DPP10: variants seen among roughly 807,000 people sequenced by gnomAD.
DPP10 encodes dipeptidyl peptidase like 10, also known as inactive dipeptidyl peptidase 10.
DPP10 carries 33 observed loss-of-function variants against 120.9 expected under a neutral mutation model. The observed-to-expected ratio is 0.27, with a 90% CI of 0.21 to 0.37. The LOEUF (loss-of-function observed/expected upper bound fraction) is 0.37. Among genes scored for constraint, DPP10 ranks in the 10% least tolerant of loss-of-function variants. DPP10 has a pLI of 1.00. For missense variants in DPP10, 816 were observed against 942.8 expected (o/e 0.87, Z 1.76); for synonymous variants, 337 against 326.1 (o/e 1.03, Z -0.36).
At chr2:114,918,936 C>T (rs1021183228) in intron 1 of DPP10, among the ~76,000 whole-genome samples, 7 of 149,702 alleles carry the variant, frequency 4.7e-5, no homozygotes, top group African/African-American at 1.2e-4. Flanking sequence ...CACGTACCCC[C>T]GAACCTAAAA....
intron 1 of DPP10, among the ~76,000 whole-genome samples, chr2:115,119,759 T>G (rs747367061): frequency 1.3e-5 from 2 of 152,098 alleles, no homozygotes; most frequent in Admixed American, 6.5e-5. Flanking sequence ...GAGGACAGTA[T>G]CCCTCATTGA....
intron 1 of DPP10, among the ~76,000 whole-genome samples, chr2:115,100,459 A>AAC (rs142076600): frequency 0.24 from 36,473 of 150,226 alleles, 4,956 homozygotes; most frequent in African/African-American, 0.35. Flanking sequence ...TAAATTAAAA[A>AAC]ACACACACAC....
intron 1 of DPP10, among the ~76,000 whole-genome samples, chr2:115,099,117 T>C (rs2048550812): frequency 7.0e-6 from 1 of 142,950 alleles, no homozygotes; most frequent in African/African-American, 2.6e-5. Flanking sequence ...AAACCCCATC[T>C]CTGCTAAAAA....
intron 1 of DPP10, among the ~76,000 whole-genome samples, chr2:114,501,312 C>A (rs1203015454): frequency 6.6e-6 from 1 of 152,120 alleles, no homozygotes; most frequent in African/African-American, 2.4e-5. Context: ...GTCCAAGTAG[C>A]AATGGTGAGT....
chr2:115,162,205 C>G, intron 1 of DPP10: 1 of 1,555,202 alleles, frequency 6.4e-7, no homozygotes, highest in Non-Finnish European at 8.7e-7. Context: ...GTTAGAGCCT[C>G]TGCGTGCGCT....
intron 1 of DPP10, among the ~76,000 whole-genome samples, chr2:115,273,155 A>G (rs777555919): frequency 2.9e-4 from 44 of 152,212 alleles, no homozygotes; most frequent in Middle Eastern, 3.4e-3. Flanking sequence ...TCCCCCTTCA[A>G]TGTAACTTGC....
rs573339484 is a variant in DPP10 at position 115,355,368 on chromosome 2, A to C, written c.271+11456A>C. Among the ~76,000 whole-genome samples the C allele has an allele frequency of 4.6e-5, 7 of 152,210 alleles. No homozygotes were observed. The South Asian group carries it at 1.5e-3, about 32-fold the overall frequency. The stretch of plus-strand genomic sequence containing the variant: ...GCCGTGTACATGTCTTCTTTCGAGA[A>C]GTGTCTGTTCTTAGCCTTTGCCCAT... On this transcript the variant is annotated intron_variant, in intron 3 of 25. Transcript: ENST00000410059.
intron 1 of DPP10, among the ~76,000 whole-genome samples, chr2:114,468,423 T>TAAAAAAAAAAAAAAAAAAAAA (rs1679610557): frequency 8.6e-6 from 1 of 116,728 alleles, no homozygotes; most frequent in African/African-American, 3.3e-5. Flanking sequence ...AAAAAAAAAT[T>TAAAAAAAAAAAAAAAAAAAAA]ACAGGATAAA....
chr2:115,443,694 C>A (rs1015975368), intron 3 of DPP10, among the ~76,000 whole-genome samples: 1 of 152,028 alleles, frequency 6.6e-6, no homozygotes, highest in African/African-American at 2.4e-5. Context: ...AGTGCAAATT[C>A]TAGGCTCCAC....
At chr2:115,583,806 A>C (rs548277208) in intron 5 of DPP10, among the ~76,000 whole-genome samples, 1 of 152,188 alleles carries the variant, frequency 6.6e-6, no homozygotes, top group Non-Finnish European at 1.5e-5. Context: ...ATGTAGTTCT[A>C]CTCTATGAGG....
At chr2:114,815,100 A>C (rs1226651695) in intron 1 of DPP10, among the ~76,000 whole-genome samples, 1 of 152,134 alleles carries the variant, frequency 6.6e-6, no homozygotes, top group Non-Finnish European at 1.5e-5. Flanking sequence ...GCCAAATCTC[A>C]CTTTCCCCAC....
At chr2:115,016,825 A>G (rs1310652779) in intron 1 of DPP10, among the ~76,000 whole-genome samples, 1 of 152,154 alleles carries the variant, frequency 6.6e-6, no homozygotes, top group South Asian at 2.1e-4. Context: ...CAACAATGAT[A>G]GACTGGATTA....
intron 1 of DPP10, 87 bp downstream of exon 1, chr2:114,442,925 C>G (rs1677738743): frequency 6.7e-7 from 1 of 1,500,334 alleles, no homozygotes; most frequent in Non-Finnish European, 9.2e-7. Flanking sequence ...GGGGTACTGA[C>G]AGTGGACATA....
At chr2:115,780,466 G>T (rs17654177) in intron 15 of DPP10, among the ~76,000 whole-genome samples, 12,178 of 151,726 alleles carry the variant, frequency 0.08, 652 homozygotes, top group Non-Finnish European at 0.12. Context: ...TTGTGGAAAT[G>T]CATATTCCTT....
chr2:115,178,351 A>C (rs1345443194), intron 1 of DPP10, among the ~76,000 whole-genome samples: 1 of 152,168 alleles, frequency 6.6e-6, no homozygotes, highest in Admixed American at 6.5e-5. Context: ...TGCCACCTAG[A>C]AGTTATGTGG....
intron 1 of DPP10, among the ~76,000 whole-genome samples, chr2:114,445,768 G>A (rs1300724300): frequency 1.3e-5 from 2 of 152,038 alleles, no homozygotes; most frequent in African/African-American, 4.8e-5. Flanking sequence ...GGTCGTTCTG[G>A]CCATTCTTTA....
intron 1 of DPP10, among the ~76,000 whole-genome samples, chr2:114,535,768 C>G (rs1174549664): frequency 1.3e-5 from 2 of 152,060 alleles, no homozygotes; most frequent in African/African-American, 4.8e-5. Context: ...TTTTAACTCC[C>G]AAATGAATCT....
intron 1 of DPP10, among the ~76,000 whole-genome samples, chr2:115,172,306 C>T (rs1372506341): frequency 6.6e-6 from 1 of 151,810 alleles, no homozygotes; most frequent in East Asian, 1.9e-4. Flanking sequence ...ATGGCTTGAA[C>T]CCGAGAGGCG....
At position 114,602,808 on chromosome 2, in the gene DPP10, C is replaced by T. The variant is rs182292844; in HGVS notation, c.60+159970C>T. Among the ~76,000 whole-genome samples, 22 of 152,144 alleles carry T rather than the reference C, an allele frequency of 1.4e-4. No individual in the cohort carries two copies. The East Asian group carries it at 3.5e-3, about 24-fold the overall frequency. Reference sequence around the variant, plus strand: ...GAAACACAAACCTGCCTACTCCAGACAACAACTGGGTGGTTTTTATTATTG... The same window carrying T: ...GAAACACAAACCTGCCTACTCCAGATAACAACTGGGTGGTTTTTATTATTG... On this transcript the variant is annotated intron_variant, in intron 1 of 25. Transcript: ENST00000410059.
Sources: allele counts gnomAD v4.1 joint callset (sites outside exome capture counted in the v4.1 genomes callset), GRCh38; gene constraint gnomAD v4.1.1; transcripts MANE v1.5; gene names NCBI Gene and HGNC (gene_info 2026-07-23, HGNC 2026-07-21).